The following NCOA2 variants were observed in gnomAD, a reference collection of about 807,000 sequenced individuals.
NCOA2 encodes the protein class E basic helix-loop-helix protein 75.
A neutral mutation model predicts 145.1 loss-of-function variants in NCOA2; 21 were observed. That is an observed-to-expected ratio of 0.14 (90% CI 0.10 to 0.21). NCOA2 has a LOEUF of 0.21. Ranked by LOEUF, NCOA2 falls within the 10% of genes least tolerant of loss-of-function variation. NCOA2 has a pLI of 1.00. For synonymous variants in NCOA2, 619 were observed against 637.5 expected, an observed-to-expected ratio of 0.97 and a Z score of 0.44; for missense variants, 1,472 against 1,837.6, an observed-to-expected ratio of 0.80 and a Z score of 3.64.
At chr8:70,127,544 G>C (rs1381349053) in intron 18 of NCOA2, among the ~76,000 whole-genome samples, 1 of 152,164 alleles carries the variant, frequency 6.6e-6, no homozygotes, top group East Asian at 1.9e-4. Context: ...CACAGAGACC[G>C]AGTCAGAGGT....
Position 70,317,962 on chromosome 8 carries a change from G to A in NCOA2, c.-76-21162C>T, listed in dbSNP as rs148184704. 5.0e-3 allele frequency among the ~76,000 whole-genome samples: 757 copies of A among 152,170 alleles called. 2 individuals carry two copies. The highest frequency in any genetic ancestry group is 8.8e-3 in the Non-Finnish European group (597 of 67,984). On this transcript the variant is annotated intron_variant, in intron 1 of 22. Transcript: ENST00000452400. ...AAAAATGAAGTTTTCAAAAAAAATT[G>A]TTTATTGCCACTTTTAAGACACTTT...
intron 4 of NCOA2, among the ~76,000 whole-genome samples, chr8:70,203,167 G>A (rs1175615238): frequency 1.3e-5 from 2 of 149,062 alleles, no homozygotes; most frequent in Non-Finnish European, 3.0e-5. Flanking sequence ...GGAGGCTGAC[G>A]CAGAAGAATC....
At chr8:70,408,814 A>G in the NCOA2 span, among the ~76,000 whole-genome samples, 25 of 131,660 alleles carry the variant, frequency 1.9e-4, no homozygotes, top group Non-Finnish European at 3.8e-4. Flanking sequence ...TTTTGTAGAG[A>G]TGGGGTTTCA....
In NCOA2 at chr8:70,113,188, C is replaced by A. The variant is rs1563464172; in HGVS notation, c.*444G>T. ...TTTTTAAAAAATTCTTTTCTTTCCC[C>A]CAGATAAAATCTTAATCTTTTGCAC... is the stretch of plus-strand genomic sequence containing the variant. On this transcript the variant is annotated 3_prime_UTR_variant, in exon 23 of 23. Transcript: ENST00000452400. 1 of 228,594 alleles carries A rather than the reference C, an allele frequency of 4.4e-6. No homozygotes were observed. Among genetic ancestry groups the A allele is most frequent in the Non-Finnish European group, 8.7e-6 (1 of 115,578 alleles). 14.2% of individuals were successfully genotyped at this position (228,594 alleles called of 1,614,324 possible). A position where few individuals can be genotyped will look rare whatever the true frequency, so the allele number is the denominator to read the frequency against.
chr8:70,366,552 ATTT>A (rs986463014), intron 1 of NCOA2, among the ~76,000 whole-genome samples: 7 of 151,328 alleles, frequency 4.6e-5, no homozygotes, highest in Middle Eastern at 3.4e-3. Context: ...TATTAATGTT[ATTT>A]TTTAAATCTA....
At chr8:70,335,144 AAAAAAAAAAG>A (rs1168395209) in intron 1 of NCOA2, among the ~76,000 whole-genome samples, 39 of 149,692 alleles carry the variant, frequency 2.6e-4, no homozygotes, top group African/African-American at 3.4e-4. Context: ...AAAAAAAAAA[AAAAAAAAAAG>A]ATCTCTCCCT....
In NCOA2 at chr8:70,335,155, A is replaced by AAAAAT. The variant is rs774576238; in HGVS notation, c.-76-38356_-76-38355insATTTT. Among the ~76,000 whole-genome samples, 47 of 115,380 alleles carry AAAAAT rather than the reference A, an allele frequency of 4.1e-4. 4 individuals are homozygous for AAAAAT. Among genetic ancestry groups the AAAAAT allele is most frequent in the East Asian group, 2.7e-3 (10 of 3,664 alleles). 75.7% of individuals were successfully genotyped at this position (115,380 alleles called of 152,430 possible). On this transcript the variant is annotated intron_variant, in intron 1 of 22. Transcript: ENST00000452400. Reference sequence around the variant, plus strand: ...AAAAAAAAAAAAAAAAAAAAAAAAGATCTCTCCCTATGACCATTTTCTCAG... The same window carrying AAAAAT: ...AAAAAAAAAAAAAAAAAAAAAAAAGAAAAATTCTCTCCCTATGACCATTTTCTCAG...
At chr8:70,329,362 C>T (rs1271037009) in intron 1 of NCOA2, among the ~76,000 whole-genome samples, 1 of 152,144 alleles carries the variant, frequency 6.6e-6, no homozygotes, top group Non-Finnish European at 1.5e-5. Context: ...CGACCCACCT[C>T]AGCCTCCCCA....
At chr8:70,263,597 G>A (rs2135112921) in intron 2 of NCOA2, among the ~76,000 whole-genome samples, 1 of 152,142 alleles carries the variant, frequency 6.6e-6, no homozygotes, top group South Asian at 2.1e-4. Context: ...ATCAATATCT[G>A]TAAGTCAATA....
At chr8:70,165,784 A>C (rs1053640385) in intron 7 of NCOA2, among the ~76,000 whole-genome samples, 1 of 152,132 alleles carries the variant, frequency 6.6e-6, no homozygotes, top group Non-Finnish European at 1.5e-5. Flanking sequence ...TAACCCCTTG[A>C]AAGTATATTT....
intron 5 of NCOA2, among the ~76,000 whole-genome samples, chr8:70,170,943 C>T (rs1171552181): frequency 6.6e-6 from 1 of 152,154 alleles, no homozygotes; most frequent in African/African-American, 2.4e-5. Flanking sequence ...TCCTTTATTA[C>T]TTGGTGTATA....
intron 2 of NCOA2, among the ~76,000 whole-genome samples, chr8:70,238,655 G>A (rs1821863066): frequency 6.6e-6 from 1 of 152,164 alleles, no homozygotes; most frequent in African/African-American, 2.4e-5. Context: ...CTCAAAGTCT[G>A]TGGACTGTCT....
At chr8:70,224,419 T>C (rs1324425291) in intron 2 of NCOA2, among the ~76,000 whole-genome samples, 4 of 152,226 alleles carry the variant, frequency 2.6e-5, no homozygotes, top group Non-Finnish European at 4.4e-5. Context: ...ATTTTAAACA[T>C]ATAAATGTAA....
chr8:70,393,503 A>G (rs1017665300), intron 1 of NCOA2, among the ~76,000 whole-genome samples: 1 of 151,944 alleles, frequency 6.6e-6, no homozygotes, highest in African/African-American at 2.4e-5. Flanking sequence ...CTCCCCACCA[A>G]AGGTCAGCAG....
At chr8:70,199,776 CCT>C (rs1477252844) in intron 4 of NCOA2, among the ~76,000 whole-genome samples, 2 of 152,184 alleles carry the variant, frequency 1.3e-5, no homozygotes, top group East Asian at 3.9e-4. Context: ...CCTATTCACT[CCT>C]CTGTTAGCTG....
intron 2 of NCOA2, among the ~76,000 whole-genome samples, chr8:70,235,799 G>A (rs958904173): frequency 1.3e-5 from 2 of 152,112 alleles, no homozygotes; most frequent in East Asian, 1.9e-4. Flanking sequence ...AACTATGATC[G>A]CACCACTATG....
the NCOA2 span, among the ~76,000 whole-genome samples, chr8:70,440,844 G>GAGAA: frequency 7.9e-5 from 12 of 151,030 alleles, no homozygotes; most frequent in African/African-American, 2.7e-4. Flanking sequence ...AGAGGAAAGA[G>GAGAA]AGAAAGAAAG....
At chr8:70,319,897 A>G (rs956372460) in intron 1 of NCOA2, among the ~76,000 whole-genome samples, 3 of 152,206 alleles carry the variant, frequency 2.0e-5, no homozygotes, top group African/African-American at 7.2e-5. Flanking sequence ...AGGAAGAGGG[A>G]AAAACCAAGT....
intron 2 of NCOA2, among the ~76,000 whole-genome samples, chr8:70,233,721 A>G (rs570136094): frequency 7.3e-4 from 111 of 152,252 alleles, no homozygotes; most frequent in African/African-American, 2.4e-3. Flanking sequence ...TGACACAACA[A>G]TCTATAGGTC....
Sources: allele counts gnomAD v4.1 joint callset (sites outside exome capture counted in the v4.1 genomes callset), GRCh38; gene constraint gnomAD v4.1.1; transcripts MANE v1.5; gene names NCBI Gene and HGNC (gene_info 2026-07-23, HGNC 2026-07-21).